NELL2: variants seen among roughly 807,000 people sequenced by gnomAD.
NELL2 encodes neural EGFL like 2.
Under a neutral mutation model 109.6 loss-of-function variants are expected in NELL2, and 41 were observed. The ratio of observed to expected loss-of-function variants is 0.37; its 90% CI spans 0.29 to 0.49. The LOEUF is 0.49. Among genes scored for constraint, NELL2 ranks in the 20% least tolerant of loss-of-function variants. NELL2 has a pLI of 0.98. For synonymous variants in NELL2, 355 were observed against 344.7 expected (o/e 1.03, Z -0.33); for missense variants, 900 against 1,008.3 (o/e 0.89, Z 1.45).
At chr12:44,723,981 G>A (rs1427934328) in intron 9 of NELL2, among the ~76,000 whole-genome samples, 2 of 151,866 alleles carry the variant, frequency 1.3e-5, no homozygotes, top group Non-Finnish European at 2.9e-5. Context: ...CAAGGACATG[G>A]AATCAACCTA....
chr12:44,668,263 G>A (rs150282569), intron 12 of NELL2, among the ~76,000 whole-genome samples: 105 of 152,218 alleles, frequency 6.9e-4, no homozygotes, highest in African/African-American at 1.3e-3. Context: ...AAGCCAAAGC[G>A]TACCCTCCCT....
intron 2 of NELL2, among the ~76,000 whole-genome samples, chr12:44,847,643 A>G (rs1204597830): frequency 2.6e-5 from 4 of 152,102 alleles, no homozygotes; most frequent in Non-Finnish European, 5.9e-5. Context: ...AGTTAAAAAA[A>G]AAATTTTTTT....
intron 12 of NELL2, among the ~76,000 whole-genome samples, chr12:44,685,238 C>T (rs1012822929): frequency 1.8e-4 from 28 of 151,982 alleles, no homozygotes; most frequent in Middle Eastern, 3.4e-3. Flanking sequence ...GATTGCAACC[C>T]CTGCCTTTTT....
intron 9 of NELL2, among the ~76,000 whole-genome samples, chr12:44,725,996 G>A (rs60407775): frequency 2.6e-5 from 4 of 151,780 alleles, no homozygotes; most frequent in South Asian, 2.1e-4. Context: ...ACCCCCAAAC[G>A]TAAGAAAAAG....
At chr12:44,653,361 T>C (rs1947369140) in intron 13 of NELL2, among the ~76,000 whole-genome samples, 1 of 152,102 alleles carries the variant, frequency 6.6e-6, no homozygotes, top group Non-Finnish European at 1.5e-5. Context: ...GAAGAAGAAT[T>C]CAAATCTAAG....
intron 13 of NELL2, among the ~76,000 whole-genome samples, chr12:44,657,144 T>C (rs751244406): frequency 2.6e-5 from 4 of 152,192 alleles, no homozygotes; most frequent in Non-Finnish European, 5.9e-5. Flanking sequence ...CAAGACTCTT[T>C]TAAGGCTAGA....
intron 8 of NELL2, among the ~76,000 whole-genome samples, chr12:44,775,249 G>GCGCA (rs1451398425): frequency 1.4e-5 from 2 of 147,992 alleles, no homozygotes; most frequent in African/African-American, 2.6e-5. Flanking sequence ...GCATGTGCGT[G>GCGCA]CGCACGCACA....
At chr12:44,730,588 A>G (rs1939317082) in intron 9 of NELL2, among the ~76,000 whole-genome samples, 1 of 152,112 alleles carries the variant, frequency 6.6e-6, no homozygotes, top group African/African-American at 2.4e-5. Flanking sequence ...TGAGACAAAG[A>G]AAATAAAAAC....
chr12:44,648,735 T>A (rs1324682054), intron 13 of NELL2, among the ~76,000 whole-genome samples: 3,233 of 47,048 alleles, frequency 0.069, 74 homozygotes, highest in African/African-American at 0.22. Flanking sequence ...ATATATATTT[T>A]TTTTTTTTTT....
At chr12:44,691,233 T>G (rs58229687) in intron 12 of NELL2, among the ~76,000 whole-genome samples, 4,382 of 152,290 alleles carry the variant, frequency 0.029, 191 homozygotes, top group African/African-American at 0.097. Context: ...CAGCAGGTGC[T>G]TGTTTCATGT....
At chr12:44,637,193 A>T (rs981206115) in intron 13 of NELL2, among the ~76,000 whole-genome samples, 1 of 151,756 alleles carries the variant, frequency 6.6e-6, no homozygotes, top group African/African-American at 2.4e-5. Flanking sequence ...TCTTTTCAAG[A>T]AAACGCTCCT....
chr12:44,898,732 G>A (rs2136878280), intron 1 of NELL2, among the ~76,000 whole-genome samples: 1 of 152,246 alleles, frequency 6.6e-6, no homozygotes, highest in South Asian at 2.1e-4. Context: ...GCCAGCAAGG[G>A]AACAAAACTG....
upstream of NELL2, among the ~76,000 whole-genome samples, chr12:44,879,204 C>G (rs1945383884): frequency 6.6e-6 from 1 of 152,116 alleles, no homozygotes; most frequent in Non-Finnish European, 1.5e-5. Context: ...AAGATTATCC[C>G]TTAGAGCCTC....
At chr12:44,640,859 T>A (rs1183121075) in intron 13 of NELL2, among the ~76,000 whole-genome samples, 1 of 152,210 alleles carries the variant, frequency 6.6e-6, no homozygotes, top group Non-Finnish European at 1.5e-5. Flanking sequence ...CCAACATGGT[T>A]GGGGAGTGAC....
chr12:44,694,880 T>C (rs1326667894), intron 12 of NELL2, among the ~76,000 whole-genome samples: 1 of 152,156 alleles, frequency 6.6e-6, no homozygotes, highest in Non-Finnish European at 1.5e-5. Context: ...CATCTTACTC[T>C]TAAAGGAATC....
At chr12:44,558,285 C>T (rs1453369466) in intron 15 of NELL2, among the ~76,000 whole-genome samples, 1 of 152,244 alleles carries the variant, frequency 6.6e-6, no homozygotes, top group Middle Eastern at 3.4e-3. Context: ...AAAAAATAGT[C>T]CATAAAACAA....
rs571915049 is a variant in NELL2 at position 44,657,348 on chromosome 12, C to T, written c.1444+8136G>A. On this transcript the variant is annotated intron_variant, in intron 13 of 19. Transcript: ENST00000429094. ...GAGAGAGAGTGTGTGTGCGGATGTGCATGCATCTGTGTGGTATATGAGGTA... is the reference window on the plus strand; with the variant it reads ...GAGAGAGAGTGTGTGTGCGGATGTGTATGCATCTGTGTGGTATATGAGGTA... Among the ~76,000 whole-genome samples, 21 of 152,160 alleles carry T rather than the reference C, an allele frequency of 1.4e-4. No homozygotes were observed. The South Asian group carries it at 4.3e-3, about 32-fold the overall frequency.
In NELL2 at chr12:44,726,422, C is replaced by T. The variant is rs561940326; in HGVS notation, c.995-11681G>A. ...TGGGTGATGCAATGGGCTTCGCTTTCTAGTCCAGTCAAATCGCAATGGGCT... is the reference window on the plus strand; with the variant it reads ...TGGGTGATGCAATGGGCTTCGCTTTTTAGTCCAGTCAAATCGCAATGGGCT... On this transcript the variant is annotated intron_variant, in intron 9 of 19. Transcript: ENST00000429094. Among the ~76,000 whole-genome samples, 4 of 152,120 alleles carry T rather than the reference C, an allele frequency of 2.6e-5. No homozygotes were observed. The South Asian group carries it at 8.3e-4, about 32-fold the overall frequency.
At chr12:44,912,834 G>A (rs1592718755) in intron 1 of NELL2, among the ~76,000 whole-genome samples, 1 of 152,182 alleles carries the variant, frequency 6.6e-6, no homozygotes, top group African/African-American at 2.4e-5. Context: ...CAGTGCAGCA[G>A]TAGTGGTTAG....
Sources: gnomAD v4.1 joint callset for allele counts (sites outside exome capture counted in the v4.1 genomes callset) on GRCh38, gnomAD v4.1.1 for gene constraint, MANE v1.5 for transcripts, NCBI Gene and HGNC (gene_info 2026-07-23, HGNC 2026-07-21) for gene names.